Variants in MINDY2 observed in about 807,000 individuals in gnomAD.
MINDY2 encodes ubiquitin carboxyl-terminal hydrolase MINDY-2.
In MINDY2, 52 loss-of-function variants were observed where a neutral mutation model predicts 68.2. That is an observed-to-expected ratio of 0.76 (90% CI 0.61 to 0.96). MINDY2 has a LOEUF of 0.96. MINDY2 is among the 40% of genes least tolerant of loss of function. The pLI, the probability that MINDY2 is intolerant of heterozygous loss-of-function variation, is 0.00. For missense variants in MINDY2, 881 were observed against 773.4 expected (o/e 1.14, Z -1.65); for synonymous variants, 372 against 303.0 (o/e 1.23, Z -2.36).
chr15:58,780,312 G>GAGA (rs1901051822), intron 1 of MINDY2, among the ~76,000 whole-genome samples: 1 of 151,992 alleles, frequency 6.6e-6, no homozygotes, highest in Non-Finnish European at 1.5e-5. Context: ...GCTGAGGCAG[G>GAGA]AGAATCACTT....
At chr15:58,778,816 T>A (rs149703845) in intron 1 of MINDY2, among the ~76,000 whole-genome samples, 1 of 145,008 alleles carries the variant, frequency 6.9e-6, no homozygotes, top group Admixed American at 6.8e-5. Flanking sequence ...TTTTCTTTTT[T>A]TTTTTTTTTT....
intron 5 of MINDY2, among the ~76,000 whole-genome samples, chr15:58,825,751 T>C (rs1242678443): frequency 6.6e-6 from 1 of 152,028 alleles, no homozygotes; most frequent in East Asian, 1.9e-4. Flanking sequence ...GACTACAGGC[T>C]CACGCCACCA....
intron 2 of MINDY2, among the ~76,000 whole-genome samples, chr15:58,789,518 G>A (rs769723895): frequency 1.5e-4 from 23 of 151,698 alleles, no homozygotes; most frequent in Non-Finnish European, 2.8e-4. Context: ...GTGCAGTGGC[G>A]TGATCATGAC....
chr15:58,823,142 T>TC (rs1406030296), intron 5 of MINDY2, among the ~76,000 whole-genome samples: 1 of 150,026 alleles, frequency 6.7e-6, no homozygotes, highest in African/African-American at 2.4e-5. Context: ...TTTTTTTCTT[T>TC]TTTTTTTTTT....
intron 5 of MINDY2, among the ~76,000 whole-genome samples, chr15:58,823,139 C>CT (rs74641422): frequency 0.02 from 2,611 of 132,018 alleles, 51 homozygotes; most frequent in African/African-American, 0.036. Flanking sequence ...TTTTTTTTTT[C>CT]TTTTTTTTTT....
At position 58,847,416 on chromosome 15, in the gene MINDY2, A is replaced by G; in HGVS notation, c.1488A>G (p.Arg496=). The G allele has an allele frequency of 4.4e-6, 7 of 1,606,202 alleles. No homozygotes were observed. Among genetic ancestry groups the G allele is most frequent in the African/African-American group, 1.3e-5 (1 of 74,940 alleles). Reference sequence around the variant, plus strand: ...TCTGTGACTCAGAATTTCATCTTCGACCTCCTTCAGATCCTGAAACTGTAT... The same window carrying G: ...TCTGTGACTCAGAATTTCATCTTCGGCCTCCTTCAGATCCTGAAACTGTAT... ...GNFCDSEFHL[R]PPSDPETVYK... Residue 496 remains arginine (R), a synonymous_variant, in exon 7 of 9, where the codon CGA becomes CGG. Coordinates refer to ENST00000559228, the MANE Select transcript of MINDY2 (RefSeq NM_001040450.3).
At chr15:58,791,356 G>A (rs1356786586) in intron 2 of MINDY2, among the ~76,000 whole-genome samples, 2 of 150,688 alleles carry the variant, frequency 1.3e-5, no homozygotes, top group African/African-American at 4.9e-5. Context: ...GTAGCCACTA[G>A]CCACATGCGG....
In MINDY2 at chr15:58,859,068, C is replaced by T. The variant is rs1404197377; in HGVS notation, c.*4458C>T. On this transcript the variant is annotated 3_prime_UTR_variant, in exon 9 of 9. Coordinates refer to ENST00000559228, the MANE Select transcript of MINDY2 (RefSeq NM_001040450.3). Reference sequence around the variant, plus strand: ...AATGTGCACACTTTTTTCTCAATAACAAAATATATCTTAAGTCAGTTTTTT... The same window carrying T: ...AATGTGCACACTTTTTTCTCAATAATAAAATATATCTTAAGTCAGTTTTTT... 1 of 151,938 alleles carries T rather than the reference C, an allele frequency of 6.6e-6. No individual in the cohort carries two copies. The highest frequency in any genetic ancestry group is 2.4e-5 in the African/African-American group (1 of 41,388). 9.4% of individuals were successfully genotyped at this position (151,938 alleles called of 1,614,324 possible).
intron 3 of MINDY2, among the ~76,000 whole-genome samples, chr15:58,806,855 A>G (rs1280526510): frequency 6.6e-6 from 1 of 152,186 alleles, no homozygotes; most frequent in Non-Finnish European, 1.5e-5. Flanking sequence ...TTAAGCGTTT[A>G]ATTTTTGGGA....
intron 2 of MINDY2, among the ~76,000 whole-genome samples, chr15:58,800,924 T>C (rs547806882): frequency 6.6e-6 from 1 of 152,184 alleles, no homozygotes; most frequent in African/African-American, 2.4e-5. Flanking sequence ...TAACTAGTTG[T>C]CTGGAAGGGT....
At chr15:58,823,402 T>A (rs1481092731) in intron 5 of MINDY2, among the ~76,000 whole-genome samples, 1 of 151,998 alleles carries the variant, frequency 6.6e-6, no homozygotes, top group Non-Finnish European at 1.5e-5. Flanking sequence ...GGCTGGACAT[T>A]GTGGCCCACA....
intron 2 of MINDY2, among the ~76,000 whole-genome samples, chr15:58,788,705 T>C (rs1901672644): frequency 6.6e-6 from 1 of 152,168 alleles, no homozygotes; most frequent in East Asian, 1.9e-4. Flanking sequence ...CTACAGTTTT[T>C]TCAGTAATTA....
intron 1 of MINDY2, among the ~76,000 whole-genome samples, chr15:58,772,760 G>A (rs1179950761): frequency 1.3e-5 from 2 of 152,182 alleles, no homozygotes; most frequent in Non-Finnish European, 2.9e-5. Context: ...TTAAGGAAAA[G>A]CATTGGTCTG....
At chr15:58,773,803 G>A (rs1879340780) in intron 1 of MINDY2, among the ~76,000 whole-genome samples, 1 of 152,036 alleles carries the variant, frequency 6.6e-6, no homozygotes, top group South Asian at 2.1e-4. Context: ...GGAGAGAAGA[G>A]TATAAACCAA....
intron 4 of MINDY2, among the ~76,000 whole-genome samples, chr15:58,819,124 G>C (rs1449259748): frequency 6.6e-6 from 1 of 152,092 alleles, no homozygotes; most frequent in African/African-American, 2.4e-5. Flanking sequence ...CTATGGACGT[G>C]CACCACCATG....
intron 4 of MINDY2, among the ~76,000 whole-genome samples, chr15:58,812,597 T>A (rs1476076678): frequency 6.6e-6 from 1 of 151,614 alleles, no homozygotes; most frequent in Admixed American, 6.6e-5. Context: ...CAGTGGCTCA[T>A]GCCTGTAATC....
At chr15:58,836,778 C>G (rs1201107295) in intron 6 of MINDY2, among the ~76,000 whole-genome samples, 1 of 152,004 alleles carries the variant, frequency 6.6e-6, no homozygotes, top group Non-Finnish European at 1.5e-5. Flanking sequence ...ACGATCACAC[C>G]TGGCCAATTT....
chr15:58,791,862 G>T (rs1901965442), intron 2 of MINDY2, among the ~76,000 whole-genome samples: 1 of 151,954 alleles, frequency 6.6e-6, no homozygotes, highest in South Asian at 2.1e-4. Flanking sequence ...GTAGATAAAA[G>T]AAAAGGTCAG....
chr15:58,782,888 A>G (rs1200696735), intron 1 of MINDY2, among the ~76,000 whole-genome samples: 3 of 141,456 alleles, frequency 2.1e-5, no homozygotes, highest in Non-Finnish European at 3.1e-5. Context: ...GTAGATGTTC[A>G]ATATATTTAA....
Sources: allele counts gnomAD v4.1 joint callset (sites outside exome capture counted in the v4.1 genomes callset), GRCh38; gene constraint gnomAD v4.1.1; transcripts MANE v1.5; gene names NCBI Gene and HGNC (gene_info 2026-07-23, HGNC 2026-07-21).